The following MCTP1 variants were observed in gnomAD, a reference collection of about 807,000 sequenced individuals.
MCTP1 encodes multiple C2 and transmembrane domain-containing protein 1.
Under a neutral mutation model 120.6 loss-of-function variants are expected in MCTP1, and 69 were observed. That is an observed-to-expected ratio of 0.57 (90% CI 0.47 to 0.70). The LOEUF is 0.70. Ranked by LOEUF, MCTP1 falls within the 30% of genes least tolerant of loss-of-function variation. MCTP1 has a pLI of 0.00. For missense variants in MCTP1, 1,203 were observed against 1,248.8 expected (o/e 0.96, Z 0.55); for synonymous variants, 529 against 493.1 (o/e 1.07, Z -0.96).
At chr5:94,968,279 C>A (rs1826043644) in intron 2 of MCTP1, among the ~76,000 whole-genome samples, 2 of 152,014 alleles carry the variant, frequency 1.3e-5, no homozygotes, top group Non-Finnish European at 2.9e-5. Context: ...AAATAGATTC[C>A]TTTTCTGTAG....
At chr5:95,218,801 A>G (rs1465251583) in intron 1 of MCTP1, among the ~76,000 whole-genome samples, 1 of 152,198 alleles carries the variant, frequency 6.6e-6, no homozygotes, top group Non-Finnish European at 1.5e-5. Flanking sequence ...TGTTGCTCTG[A>G]GGCTACCAAC....
chr5:95,030,518 GC>G (rs1581928248), intron 1 of MCTP1, among the ~76,000 whole-genome samples: 2 of 152,234 alleles, frequency 1.3e-5, no homozygotes, highest in East Asian at 3.9e-4. Flanking sequence ...AGTACAACAA[GC>G]AGCATCTGAG....
At chr5:94,799,763 C>CT (rs1487810448) in intron 17 of MCTP1, among the ~76,000 whole-genome samples, 3 of 152,136 alleles carry the variant, frequency 2.0e-5, no homozygotes, top group African/African-American at 7.2e-5. Flanking sequence ...TTGTATTGTT[C>CT]TTTTTTAACA....
At chr5:95,278,734 G>A (rs1373864840) in intron 1 of MCTP1, among the ~76,000 whole-genome samples, 3 of 152,090 alleles carry the variant, frequency 2.0e-5, no homozygotes, top group African/African-American at 7.2e-5. Context: ...AGGCCGAGGT[G>A]AGCGGATCAC....
intron 12 of MCTP1, among the ~76,000 whole-genome samples, chr5:94,874,649 T>C (rs1313713488): frequency 6.6e-6 from 1 of 152,144 alleles, no homozygotes; most frequent in Non-Finnish European, 1.5e-5. Flanking sequence ...ATTATCTTTT[T>C]TTCCTCCAAT....
intron 1 of MCTP1, among the ~76,000 whole-genome samples, chr5:95,192,601 G>A (rs76781776): frequency 6.6e-6 from 1 of 152,184 alleles, no homozygotes; most frequent in African/African-American, 2.4e-5. Flanking sequence ...GATCAAGGAG[G>A]TAAGTTGTTA....
intron 19 of MCTP1, among the ~76,000 whole-genome samples, chr5:94,747,051 CT>C (rs199573135): frequency 4.0e-5 from 6 of 151,190 alleles, no homozygotes; most frequent in South Asian, 4.2e-4. Context: ...AGGTTTCCAG[CT>C]TTTTTTTTAG....
chr5:94,949,107 T>A (rs1159868367), intron 3 of MCTP1, among the ~76,000 whole-genome samples: 1 of 152,182 alleles, frequency 6.6e-6, no homozygotes, highest in East Asian at 1.9e-4. Flanking sequence ...TGCTCCCAAT[T>A]AATACTCCAA....
intron 1 of MCTP1, among the ~76,000 whole-genome samples, chr5:95,109,363 T>C (rs1305345831): frequency 6.6e-6 from 1 of 152,226 alleles, no homozygotes; most frequent in Non-Finnish European, 1.5e-5. Context: ...TATTCTCAGA[T>C]TTACTTAGAT....
At chr5:94,745,125 A>G (rs547279034) in intron 19 of MCTP1, among the ~76,000 whole-genome samples, 34 of 152,300 alleles carry the variant, frequency 2.2e-4, no homozygotes, top group African/African-American at 7.7e-4. Flanking sequence ...TTCTTACTGG[A>G]TACGCCTGAG....
chr5:95,142,672 G>T (rs1025934034), intron 1 of MCTP1, among the ~76,000 whole-genome samples: 3 of 152,100 alleles, frequency 2.0e-5, no homozygotes, highest in Non-Finnish European at 2.9e-5. Flanking sequence ...AATAAAAACT[G>T]GTTTCCAAGT....
rs138575033 is a variant in MCTP1, at chr5:94,844,247, A to G, written c.2436+24086T>C. Among the ~76,000 whole-genome samples, 1,266 of 146,628 alleles carry G rather than the reference A, an allele frequency of 8.6e-3. 25 individuals are homozygous for G. The highest frequency in any genetic ancestry group is 0.029 in the African/African-American group (1,154 of 39,918). ...GAAGGCAGAGGCAAAGGTTGCAGTG[A>G]GCCGAGATCGCGCCATTGCACTCCA... On this transcript the variant is annotated intron_variant, in intron 17 of 22. Coordinates refer to ENST00000515393, the MANE Select transcript of MCTP1 (RefSeq NM_024717.7).
At chr5:95,172,565 A>G (rs1401561835) in intron 1 of MCTP1, among the ~76,000 whole-genome samples, 1 of 149,908 alleles carries the variant, frequency 6.7e-6, no homozygotes, top group Admixed American at 6.7e-5. Context: ...GCATAGATGA[A>G]TTATTACTTT....
chr5:95,189,595 G>A (rs1749613037), intron 1 of MCTP1, among the ~76,000 whole-genome samples: 1 of 152,064 alleles, frequency 6.6e-6, no homozygotes, highest in South Asian at 2.1e-4. Context: ...TTAAAGGGAA[G>A]GGTATACCAG....
chr5:94,745,462 T>G (rs909901072), intron 19 of MCTP1, among the ~76,000 whole-genome samples: 13 of 152,214 alleles, frequency 8.5e-5, no homozygotes, highest in Non-Finnish European at 1.5e-4. Flanking sequence ...TTTCACTTTG[T>G]CTCTTTTTGT....
chr5:95,193,685 CA>C (rs1750069436), intron 1 of MCTP1, among the ~76,000 whole-genome samples: 1 of 151,914 alleles, frequency 6.6e-6, no homozygotes, highest in Non-Finnish European at 1.5e-5. Flanking sequence ...AGAATAAAGG[CA>C]AGATTAAGGT....
intron 1 of MCTP1, among the ~76,000 whole-genome samples, chr5:95,213,801 G>A (rs1197546212): frequency 3.3e-5 from 5 of 152,266 alleles, no homozygotes; most frequent in Admixed American, 2.6e-4. Context: ...TGGGAAAATG[G>A]GCTAGCCATA....
At chr5:95,048,347 G>A (rs1745076687) in intron 1 of MCTP1, among the ~76,000 whole-genome samples, 1 of 152,124 alleles carries the variant, frequency 6.6e-6, no homozygotes, top group Non-Finnish European at 1.5e-5. Flanking sequence ...CCCATGGAAG[G>A]AGAGAAACAG....
intron 2 of MCTP1, among the ~76,000 whole-genome samples, chr5:94,980,446 G>A (rs1195618892): frequency 6.6e-6 from 1 of 152,090 alleles, no homozygotes. Context: ...CAGCTTGAAT[G>A]CTTCCAGCAC....
Sources: allele counts gnomAD v4.1 joint callset (sites outside exome capture counted in the v4.1 genomes callset), GRCh38; gene constraint gnomAD v4.1.1; transcripts MANE v1.5; gene names NCBI Gene and HGNC (gene_info 2026-07-23, HGNC 2026-07-21).